SPATA16: variants seen among roughly 807,000 people sequenced by gnomAD.
The protein encoded by SPATA16 is spermatogenesis associated 16, also known as spermatogenesis-associated protein 16.
SPATA16 carries 36 observed loss-of-function variants against 63.3 expected under a neutral mutation model. The observed-to-expected ratio is 0.57, with a 90% CI of 0.44 to 0.75. SPATA16 has a LOEUF of 0.75. SPATA16 is among the 30% of genes least tolerant of loss of function. The pLI, the probability that SPATA16 is intolerant of heterozygous loss-of-function variation, is 0.00. For synonymous variants in SPATA16, 203 were observed against 216.7 expected (o/e 0.94, Z 0.56); for missense variants, 646 against 679.3 (o/e 0.95, Z 0.54).
intron 4 of SPATA16, among the ~76,000 whole-genome samples, chr3:173,016,695 A>C (rs1182722319): frequency 6.6e-6 from 1 of 152,154 alleles, no homozygotes; most frequent in African/African-American, 2.4e-5. Context: ...AAACTACTCA[A>C]ATCTCCAATA....
At chr3:172,896,330 T>C (rs578190114) in intron 10 of SPATA16, among the ~76,000 whole-genome samples, 7 of 152,230 alleles carry the variant, frequency 4.6e-5, no homozygotes, top group South Asian at 2.1e-4. Flanking sequence ...ACGCCATTCT[T>C]CTGCCTCAGC....
chr3:172,925,123 C>T (rs76536011), intron 7 of SPATA16, among the ~76,000 whole-genome samples: 5,113 of 151,514 alleles, frequency 0.034, 282 homozygotes, highest in African/African-American at 0.12. Context: ...TTGATGACTG[C>T]GGTGGGTGGG....
Position 173,004,809 on chromosome 3 carries a change from C to A in SPATA16, c.848+14677G>T, listed in dbSNP as rs1011060930. ...AAATTGTCTCATTTAATCCTCATAA[C>A]CTCCGTGACATAGACGCTATTATTA... On this transcript the variant is annotated intron_variant, in intron 4 of 10. Coordinates refer to ENST00000351008, the MANE Select transcript of SPATA16 (RefSeq NM_031955.6). Among the ~76,000 whole-genome samples the A allele has an allele frequency of 2.6e-5, 4 of 152,146 alleles. No individual in the cohort carries two copies. In the East Asian group the frequency reaches 7.7e-4, roughly 29 times the overall value.
chr3:173,048,879 G>C, intron 3 of SPATA16, 70 bp downstream of exon 3: 1 of 1,563,488 alleles, frequency 6.4e-7, no homozygotes, highest in Non-Finnish European at 8.8e-7. Context: ...AAGGTGATCA[G>C]GCAAGCTCAG....
intron 4 of SPATA16, among the ~76,000 whole-genome samples, chr3:173,010,709 C>G (rs1256444712): frequency 6.6e-6 from 1 of 152,032 alleles, no homozygotes; most frequent in Non-Finnish European, 1.5e-5. Flanking sequence ...AGTGCACCCA[C>G]CCAGCCCCGG....
rs185963135 is a variant in SPATA16, at chr3:173,012,865, G to T, written c.848+6621C>A. 1.3e-3 allele frequency among the ~76,000 whole-genome samples: 198 copies of T among 152,220 alleles called. 1 individual carries two copies. In the Middle Eastern group the frequency reaches 0.014, roughly 10 times the overall value. On this transcript the variant is annotated intron_variant, in intron 4 of 10. Transcript: ENST00000351008. ...GGATATACCTACCATTCTAGACATTGGCCTTGGCAAAGAGTTTATGGCAGT... is the reference window on the plus strand; with the variant it reads ...GGATATACCTACCATTCTAGACATTTGCCTTGGCAAAGAGTTTATGGCAGT...
At position 172,929,412 on chromosome 3, in the gene SPATA16, A is replaced by C. The variant is rs145994750; in HGVS notation, c.1082-3920T>G. On this transcript the variant is annotated intron_variant, in intron 6 of 10. Transcript: ENST00000351008. ...CAAACTTTCACTGAAAGAGGTAAAC[A>C]GTTTTCCCTTCTTCAGAAATATTTT... 3.4e-4 allele frequency among the ~76,000 whole-genome samples: 52 copies of C among 152,322 alleles called. No homozygotes were observed. In the East Asian group the frequency reaches 9.6e-3, roughly 28 times the overall value.
intron 6 of SPATA16, among the ~76,000 whole-genome samples, chr3:172,933,890 A>G (rs1460258863): frequency 6.6e-6 from 1 of 152,198 alleles, no homozygotes; most frequent in Admixed American, 6.5e-5. Context: ...CAGAGATGAA[A>G]CTGTCATGTT....
intron 3 of SPATA16, among the ~76,000 whole-genome samples, chr3:173,020,279 C>T (rs1246745952): frequency 6.7e-6 from 1 of 148,534 alleles, no homozygotes; most frequent in Non-Finnish European, 1.5e-5. Flanking sequence ...GGGACAAGAG[C>T]GAGACTTCGT....
intron 3 of SPATA16, among the ~76,000 whole-genome samples, chr3:173,028,162 A>G (rs925037704): frequency 6.6e-6 from 1 of 150,984 alleles, no homozygotes; most frequent in East Asian, 1.9e-4. Context: ...TTAGCAAAGT[A>G]GTGATTGTTT....
intron 2 of SPATA16, among the ~76,000 whole-genome samples, chr3:173,114,346 C>G (rs1737834693): frequency 6.6e-6 from 1 of 152,126 alleles, no homozygotes; most frequent in South Asian, 2.1e-4. Flanking sequence ...CTCAGCCTCC[C>G]TTGCAGGTAT....
At chr3:173,042,839 C>T (rs560974260) in intron 3 of SPATA16, among the ~76,000 whole-genome samples, 1 of 152,134 alleles carries the variant, frequency 6.6e-6, no homozygotes, top group African/African-American at 2.4e-5. Flanking sequence ...GTGTCTTAGT[C>T]TTAAATTGAT....
At chr3:172,955,187 A>G (rs1033300990) in intron 6 of SPATA16, among the ~76,000 whole-genome samples, 2 of 152,188 alleles carry the variant, frequency 1.3e-5, no homozygotes, top group Non-Finnish European at 2.9e-5. Flanking sequence ...ATTAATCTTC[A>G]TGACTGCTCT....
At chr3:173,077,158 AAC>A (rs1253905448) in intron 2 of SPATA16, among the ~76,000 whole-genome samples, 1 of 152,178 alleles carries the variant, frequency 6.6e-6, no homozygotes, top group Non-Finnish European at 1.5e-5. Context: ...CTAAGGAAGA[AAC>A]AAAAAATAAT....
chr3:173,089,108 C>T (rs11918297), intron 2 of SPATA16, among the ~76,000 whole-genome samples: 5,568 of 152,176 alleles, frequency 0.037, 345 homozygotes, highest in African/African-American at 0.13. Context: ...ACTTTGAGAT[C>T]CCCGATTTCT....
At chr3:172,990,408 A>G (rs765264940) in intron 4 of SPATA16, among the ~76,000 whole-genome samples, 1 of 152,218 alleles carries the variant, frequency 6.6e-6, no homozygotes, top group Non-Finnish European at 1.5e-5. Context: ...CACTGATTAC[A>G]TTAAACATTT....
At chr3:173,075,835 A>G (rs1736788521) in intron 2 of SPATA16, among the ~76,000 whole-genome samples, 1 of 152,144 alleles carries the variant, frequency 6.6e-6, no homozygotes, top group African/African-American at 2.4e-5. Context: ...AGATAGAAGA[A>G]ATAAGATGTA....
chr3:172,977,336 G>T (rs996289614), intron 4 of SPATA16, among the ~76,000 whole-genome samples: 12 of 152,056 alleles, frequency 7.9e-5, no homozygotes, highest in African/African-American at 2.7e-4. Flanking sequence ...GATTATGAGA[G>T]AATGTTTTGT....
intron 2 of SPATA16, among the ~76,000 whole-genome samples, chr3:173,071,917 A>T (rs1736683745): frequency 6.6e-6 from 1 of 152,238 alleles, no homozygotes; most frequent in Non-Finnish European, 1.5e-5. Flanking sequence ...AAAAAACAAT[A>T]GATGCTGGTG....
Sources: allele counts gnomAD v4.1 joint callset (sites outside exome capture counted in the v4.1 genomes callset), GRCh38; gene constraint gnomAD v4.1.1; transcripts MANE v1.5; gene names NCBI Gene and HGNC (gene_info 2026-07-23, HGNC 2026-07-21).